ADAM10: variants seen among roughly 807,000 people sequenced by gnomAD.
The protein encoded by ADAM10 is ADAM metallopeptidase domain 10, also known as disintegrin and metalloproteinase domain-containing protein 10.
A neutral mutation model predicts 90.1 loss-of-function variants in ADAM10; 17 were observed. That is an observed-to-expected ratio of 0.19 (90% CI 0.13 to 0.28). The LOEUF is 0.28. ADAM10 is among the 10% of genes least tolerant of loss of function. The pLI, the probability that ADAM10 is intolerant of heterozygous loss-of-function variation, is 1.00. For missense variants in ADAM10, 610 were observed against 914.3 expected, an observed-to-expected ratio of 0.67 and a Z score of 4.29; for synonymous variants, 310 against 298.6, an observed-to-expected ratio of 1.04 and a Z score of -0.40.
At chr15:58,734,932 A>G (rs1485322134) in intron 1 of ADAM10, among the ~76,000 whole-genome samples, 1 of 152,200 alleles carries the variant, frequency 6.6e-6, no homozygotes, top group Non-Finnish European at 1.5e-5. Flanking sequence ...AGCCCTGACT[A>G]ATCTTCAACC....
At chr15:58,688,359 C>T (rs1241090822) in intron 2 of ADAM10, among the ~76,000 whole-genome samples, 16 of 151,800 alleles carry the variant, frequency 1.1e-4, no homozygotes, top group African/African-American at 3.9e-4. Flanking sequence ...AAGACTCCAT[C>T]TCTAATTTTA....
At chr15:58,655,698 A>C (rs1163468396) in intron 5 of ADAM10, among the ~76,000 whole-genome samples, 1 of 44,032 alleles carries the variant, frequency 2.3e-5, no homozygotes, top group African/African-American at 2.2e-4. Flanking sequence ...TATATATAGT[A>C]TATATATATA....
At chr15:58,602,740 G>T (rs1468972908) in intron 14 of ADAM10, among the ~76,000 whole-genome samples, 1 of 152,056 alleles carries the variant, frequency 6.6e-6, no homozygotes, top group East Asian at 1.9e-4. Flanking sequence ...CTATACAGAA[G>T]AGTCCCACAG....
At position 58,593,149 on chromosome 15, in the gene ADAM10, A is replaced by ATTTTTTTTTTTTTTT. The variant is rs766149223; in HGVS notation, c.*4383_*4397dup. The stretch of plus-strand genomic sequence containing the variant: ...AAAGTAACAAAGGCCAGGTACTCAA[A>ATTTTTTTTTTTTTTT]TTTTTTTTTTTTTTTTTTTTTTTTT... On this transcript the variant is annotated 3_prime_UTR_variant, in exon 16 of 16. Transcript: ENST00000260408. 5.8e-5 allele frequency: 4 copies of ATTTTTTTTTTTTTTT among 68,466 alleles called. No individual in the cohort carries two copies. The highest frequency in any genetic ancestry group is 8.3e-5 in the Non-Finnish European group (3 of 36,234). The allele number at this position is 68,466 out of a possible 1,614,324, so 4.2% of individuals were successfully genotyped here. A position where few individuals can be genotyped will look rare whatever the true frequency, so the allele number is the denominator to read the frequency against.
At chr15:58,723,692 T>A (rs1898934520) in intron 1 of ADAM10, among the ~76,000 whole-genome samples, 1 of 150,688 alleles carries the variant, frequency 6.6e-6, no homozygotes, top group South Asian at 2.1e-4. Context: ...GCAACAACAG[T>A]GAGCCTCCAC....
intron 14 of ADAM10, among the ~76,000 whole-genome samples, chr15:58,604,670 A>G (rs1895217736): frequency 6.6e-6 from 1 of 152,234 alleles, no homozygotes; most frequent in Admixed American, 6.5e-5. Context: ...ATAATGTGAC[A>G]AGGCCGTTAC....
chr15:58,677,641 A>C (rs1257507271), intron 4 of ADAM10, among the ~76,000 whole-genome samples: 1 of 152,190 alleles, frequency 6.6e-6, no homozygotes, highest in African/African-American at 2.4e-5. Flanking sequence ...AGTAGAGGGC[A>C]CTGATAGCAA....
intron 2 of ADAM10, among the ~76,000 whole-genome samples, chr15:58,715,934 TACTA>T (rs1405301390): frequency 6.6e-6 from 1 of 152,182 alleles, no homozygotes; most frequent in African/African-American, 2.4e-5. Context: ...TAATTAATAA[TACTA>T]AGTATATTTT....
At chr15:58,630,547 A>G (rs1896073921) in intron 9 of ADAM10, among the ~76,000 whole-genome samples, 1 of 152,218 alleles carries the variant, frequency 6.6e-6, no homozygotes, top group Non-Finnish European at 1.5e-5. Flanking sequence ...ATCTGGTGAG[A>G]GTAGGTACAT....
intron 2 of ADAM10, chr15:58,691,673 CTTCT>C (rs1771876601): frequency 7.8e-6 from 2 of 256,936 alleles, no homozygotes; most frequent in South Asian, 6.5e-5. Context: ...GCCACTTCTT[CTTCT>C]TTTTTTTTTT....
chr15:58,734,430 C>T (rs1250873027), intron 1 of ADAM10, among the ~76,000 whole-genome samples: 3 of 152,146 alleles, frequency 2.0e-5, no homozygotes, highest in African/African-American at 4.8e-5. Context: ...TGTTAATCTA[C>T]GATGAGTCGA....
intron 13 of ADAM10, 142 bp downstream of exon 13, chr15:58,610,857 T>C (rs1895419267): frequency 2.8e-6 from 2 of 719,210 alleles, no homozygotes; most frequent in Non-Finnish European, 5.0e-6. Flanking sequence ...CAATGCTACG[T>C]TACATTTATA....
Position 58,736,434 on chromosome 15 carries a change from T to C in ADAM10, c.55+13046A>G, listed in dbSNP as rs142979142. 7.2e-4 allele frequency among the ~76,000 whole-genome samples: 110 copies of C among 151,922 alleles called. 1 individual carries two copies. Among genetic ancestry groups the C allele is most frequent in the African/African-American group, 2.6e-3 (106 of 41,226 alleles). ...TCTGAAAAGCATATACTACAAAGCA[T>C]ATACTACAGTCACATGGCACCTAAT... is the stretch of plus-strand genomic sequence containing the variant. On this transcript the variant is annotated intron_variant, in intron 1 of 15. Coordinates refer to ENST00000260408, the MANE Select transcript of ADAM10 (RefSeq NM_001110.4).
rs1385403137 is a variant in ADAM10, at chr15:58,591,424, T to A, written c.*6123A>T. Reference sequence around the variant, plus strand: ...CTTCTATAGGAATTTGATTCACATTTAAAACACTTTTTTTTTTTCTTTGAG... The same window carrying A: ...CTTCTATAGGAATTTGATTCACATTAAAAACACTTTTTTTTTTTCTTTGAG... On this transcript the variant is annotated 3_prime_UTR_variant, in exon 16 of 16. Transcript: ENST00000260408. 6.6e-6 allele frequency: 1 copy of A among 152,180 alleles called. No homozygotes were observed. 9.4% of individuals were successfully genotyped at this position (152,180 alleles called of 1,614,324 possible).
chr15:58,717,564 T>C lies in ADAM10; in HGVS notation c.206+13A>G, dbSNP rs1898703945. ...GAGGAACTTCAGACACAGTCAGCAATAAATTTACTTACCTTCCATGGGCAT... is the reference window on the plus strand; with the variant it reads ...GAGGAACTTCAGACACAGTCAGCAACAAATTTACTTACCTTCCATGGGCAT... On this transcript the variant is annotated intron_variant, in intron 2 of 15. Coordinates refer to ENST00000260408, the MANE Select transcript of ADAM10 (RefSeq NM_001110.4). 6.2e-7 allele frequency: 1 copy of C among 1,613,788 alleles called. No individual in the cohort carries two copies. Among genetic ancestry groups the C allele is most frequent in the Non-Finnish European group, 8.5e-7 (1 of 1,179,866 alleles).
chr15:58,627,974 A>G (rs1895994057), intron 9 of ADAM10, 91 bp from the exon 10 acceptor site: 2 of 1,292,048 alleles, frequency 1.5e-6, no homozygotes, highest in Non-Finnish European at 2.2e-6. Flanking sequence ...TCAGGAAAAC[A>G]ATGGAAGCTT....
chr15:58,725,311 G>C (rs1898993724), intron 1 of ADAM10, among the ~76,000 whole-genome samples: 1 of 150,538 alleles, frequency 6.6e-6, no homozygotes, highest in African/African-American at 2.4e-5. Context: ...CAGGAGGACT[G>C]TTCAAGGCCA....
rs141784391 is a variant in ADAM10, at chr15:58,641,628, G to C, written c.829-668C>G. Reference sequence around the variant, plus strand: ...CTTAGCTACTATACTCCTACCACAGGTTCCTCCTTCAGAATCTGAATAATC... The same window carrying C: ...CTTAGCTACTATACTCCTACCACAGCTTCCTCCTTCAGAATCTGAATAATC... On this transcript the variant is annotated intron_variant, in intron 7 of 15. Transcript: ENST00000260408. 2.0e-3 allele frequency among the ~76,000 whole-genome samples: 300 copies of C among 152,214 alleles called. 1 individual carries two copies. The highest frequency in any genetic ancestry group is 6.7e-3 in the African/African-American group (280 of 41,518).
chr15:58,658,621 CACAA>C (rs1739329432), intron 5 of ADAM10, among the ~76,000 whole-genome samples: 1 of 152,080 alleles, frequency 6.6e-6, no homozygotes, highest in Non-Finnish European at 1.5e-5. Flanking sequence ...GGATTCCAAC[CACAA>C]ACAAAGTTTA....
Sources: gnomAD v4.1 joint callset for allele counts (sites outside exome capture counted in the v4.1 genomes callset) on GRCh38, gnomAD v4.1.1 for gene constraint, MANE v1.5 for transcripts, NCBI Gene and HGNC (gene_info 2026-07-23, HGNC 2026-07-21) for gene names.